DNAJC11: variants seen among roughly 807,000 people sequenced by gnomAD.
DNAJC11 encodes the protein DnaJ heat shock protein family (Hsp40) member C11, also known as dnaJ homolog subfamily C member 11.
DNAJC11 carries 15 observed loss-of-function variants against 78.6 expected under a neutral mutation model. The ratio of observed to expected loss-of-function variants is 0.19; its 90% CI spans 0.13 to 0.29. The LOEUF (loss-of-function observed/expected upper bound fraction) is 0.29, where lower values mean the gene tolerates loss of function less well. DNAJC11 is among the 10% of genes least tolerant of loss of function. The pLI, the probability that DNAJC11 is intolerant of heterozygous loss-of-function variation, is 1.00. For missense variants in DNAJC11, 547 were observed against 709.6 expected (o/e 0.77, Z 2.60); for synonymous variants, 292 against 272.1 (o/e 1.07, Z -0.72).
intron 4 of DNAJC11, 90 bp downstream of exon 4, chr1:6,667,619 A>C (rs544278792): frequency 9.4e-7 from 1 of 1,062,282 alleles, no homozygotes; most frequent in Admixed American, 2.1e-5. Flanking sequence ...TTACTTTAAC[A>C]ATCCACCAGC....
intron 1 of DNAJC11, among the ~76,000 whole-genome samples, chr1:6,684,152 C>T (rs1202084442): frequency 6.6e-6 from 1 of 151,206 alleles, no homozygotes; most frequent in East Asian, 1.9e-4. Flanking sequence ...GTGATCTCAG[C>T]TCACTGCAGC....
At chr1:6,662,128 G>GTTTTTTTTTTT (rs1222028818) in intron 4 of DNAJC11, among the ~76,000 whole-genome samples, 6 of 137,836 alleles carry the variant, frequency 4.4e-5, no homozygotes, top group Non-Finnish European at 6.2e-5. Flanking sequence ...ATTGTTTTTT[G>GTTTTTTTTTTT]TTTTTTGTTT....
chr1:6,678,471 C>A lies in DNAJC11; in HGVS notation c.203-4G>T, dbSNP rs367625031. On this transcript the variant is annotated splice_polypyrimidine_tract_variant and splice_region_variant and intron_variant, in intron 2 of 15. Coordinates refer to ENST00000377577, the MANE Select transcript of DNAJC11 (RefSeq NM_018198.4). The stretch of plus-strand genomic sequence containing the variant: ...CTGGTTTGGGGGTCACTAAGCACTG[C>A]AAATTAAAAATTAAACATGTTTATA... 8.1e-6 allele frequency: 13 copies of A among 1,608,200 alleles called. No individual in the cohort carries two copies. In the African/African-American group the frequency reaches 1.6e-4, roughly 20 times the overall value.
chr1:6,691,748 C>T (rs1052337128), intron 1 of DNAJC11, among the ~76,000 whole-genome samples: 13 of 152,188 alleles, frequency 8.5e-5, no homozygotes, highest in African/African-American at 2.9e-4. Flanking sequence ...AACAGGAATC[C>T]AGCTGTCAGA....
intron 7 of DNAJC11, chr1:6,650,988 T>G (rs1365946804): frequency 2.0e-6 from 1 of 504,020 alleles, no homozygotes; most frequent in South Asian, 1.5e-5. Context: ...TTCTTTTATC[T>G]GAGCTCACAC....
At chr1:6,665,508 A>G (rs915833271) in intron 4 of DNAJC11, among the ~76,000 whole-genome samples, 12 of 152,254 alleles carry the variant, frequency 7.9e-5, no homozygotes, top group African/African-American at 2.9e-4. Flanking sequence ...TGGACAGCCA[A>G]CATCTGGTTA....
intron 3 of DNAJC11, among the ~76,000 whole-genome samples, chr1:6,676,754 T>C (rs1351730362): frequency 1.3e-5 from 2 of 152,100 alleles, no homozygotes; most frequent in Admixed American, 1.3e-4. Flanking sequence ...TATGAAGCAG[T>C]AGTGGAAAGG....
intron 3 of DNAJC11, among the ~76,000 whole-genome samples, chr1:6,677,329 G>C (rs1229753096): frequency 6.6e-6 from 1 of 152,068 alleles, no homozygotes; most frequent in African/African-American, 2.4e-5. Context: ...GTCTTGCTCT[G>C]TTGCCCACGT....
At chr1:6,642,323 G>A (rs1228147532) in intron 10 of DNAJC11, among the ~76,000 whole-genome samples, 1 of 152,228 alleles carries the variant, frequency 6.6e-6, no homozygotes, top group Admixed American at 6.5e-5. Context: ...AGACACACAA[G>A]GAGGGAGACA....
rs200440 is a variant in DNAJC11 at position 6,653,222 on chromosome 1, A to G, written c.508-271T>C. Among the ~76,000 whole-genome samples, 78,911 of 151,958 alleles carry G rather than the reference A, an allele frequency of 0.52. 20,971 individuals carry two copies. The highest frequency in any genetic ancestry group is 0.62 in the Admixed American group (9,387 of 15,262). On this transcript the variant is annotated intron_variant, in intron 5 of 15. Transcript: ENST00000377577. This position sits in a 1 kb window ranked among gnomAD's most constrained non-coding sequence, Gnocchi z 4.5. Reference sequence around the variant, plus strand: ...GGGAAACATGGGGCTGCATGTCCCAATGGTATCAGATAGCACAGTGACTTC... The same window carrying G: ...GGGAAACATGGGGCTGCATGTCCCAGTGGTATCAGATAGCACAGTGACTTC...
At chr1:6,662,139 T>C (rs1212789712) in intron 4 of DNAJC11, among the ~76,000 whole-genome samples, 3 of 149,920 alleles carry the variant, frequency 2.0e-5, no homozygotes, top group African/African-American at 7.5e-5. Flanking sequence ...TTTTTTGTTT[T>C]TTTTTTTTGT....
chr1:6,680,838 C>T lies in DNAJC11; in HGVS notation c.202+70G>A. 6 of 1,580,248 alleles carry T rather than the reference C, an allele frequency of 3.8e-6. No individual in the cohort carries two copies. Among genetic ancestry groups the T allele is most frequent in the Non-Finnish European group, 5.2e-6 (6 of 1,158,020 alleles). ...AAGGACTCTCTTTTTCTATCCTCTA[C>T]AAATCGCACCTCCTAAAAATCGAAT... On this transcript the variant is annotated intron_variant, in intron 2 of 15. Transcript: ENST00000377577. This position sits in a 1 kb window ranked among gnomAD's most constrained non-coding sequence, Gnocchi z 4.0.
intron 4 of DNAJC11, among the ~76,000 whole-genome samples, chr1:6,664,546 C>T (rs1331087871): frequency 6.6e-6 from 1 of 152,136 alleles, no homozygotes; most frequent in Non-Finnish European, 1.5e-5. Flanking sequence ...CCTCAAGGGC[C>T]ATTTACAAAT....
At chr1:6,674,979 C>A (rs1201614770) in intron 3 of DNAJC11, among the ~76,000 whole-genome samples, 2 of 152,264 alleles carry the variant, frequency 1.3e-5, no homozygotes, top group East Asian at 3.9e-4. Context: ...GTTTAACAGT[C>A]TAAAAATACC....
At chr1:6,671,929 G>T (rs951103582) in intron 3 of DNAJC11, among the ~76,000 whole-genome samples, 1 of 151,786 alleles carries the variant, frequency 6.6e-6, no homozygotes, top group East Asian at 1.9e-4. Context: ...CCGCTTCCAG[G>T]GTTCAAGCAA....
intron 4 of DNAJC11, among the ~76,000 whole-genome samples, chr1:6,655,446 T>G (rs1467955977): frequency 6.6e-6 from 1 of 152,218 alleles, no homozygotes; most frequent in East Asian, 1.9e-4. Context: ...TTACAAATTT[T>G]TTATATTCAC....
Position 6,634,194 on chromosome 1 carries a change from G to C in DNAJC11, c.*1481C>G. On this transcript the variant is annotated 3_prime_UTR_variant, in exon 16 of 16. Transcript: ENST00000377577. ...CTGCTTTCAGGAAAGGTTTATTGTG[G>C]TGAGTGCCTTCTGTACAGTCGACTG... 1 of 1,117,900 alleles carries C rather than the reference G, an allele frequency of 8.9e-7. No homozygotes were observed. 69.2% of individuals were successfully genotyped at this position (1,117,900 alleles called of 1,614,324 possible).
At chr1:6,676,350 T>C (rs1263586218) in intron 3 of DNAJC11, among the ~76,000 whole-genome samples, 6 of 152,220 alleles carry the variant, frequency 3.9e-5, no homozygotes, top group Non-Finnish European at 8.8e-5. Context: ...AGGGTTGAAA[T>C]GTTAGCAACT....
intron 11 of DNAJC11, among the ~76,000 whole-genome samples, chr1:6,639,493 C>A (rs1641840676): frequency 6.6e-6 from 1 of 151,928 alleles, no homozygotes; most frequent in African/African-American, 2.4e-5. Context: ...CCACGCCCGG[C>A]TAATTTTTCT....
Sources: allele counts gnomAD v4.1 joint callset (sites outside exome capture counted in the v4.1 genomes callset), GRCh38; gene constraint gnomAD v4.1.1; non-coding constraint Gnocchi (gnomAD v3.1); transcripts MANE v1.5; gene names NCBI Gene and HGNC (gene_info 2026-07-23, HGNC 2026-07-21).